PC: variants seen among roughly 807,000 people sequenced by gnomAD.
PC encodes pyruvate carboxylase, mitochondrial.
A neutral mutation model predicts 107.8 loss-of-function variants in PC; 46 were observed. The ratio of observed to expected loss-of-function variants is 0.43; its 90% CI spans 0.34 to 0.55. The LOEUF is 0.55. Ranked by LOEUF, PC falls within the 20% of genes least tolerant of loss-of-function variation. The pLI is 0.04. For missense variants in PC, 1,241 were observed against 1,643.1 expected, an observed-to-expected ratio of 0.76 and a Z score of 4.23; for synonymous variants, 662 against 684.7, an observed-to-expected ratio of 0.97 and a Z score of 0.52.
intron 3 of PC, among the ~76,000 whole-genome samples, chr11:66,873,432 ATT>A (rs1491426481): frequency 5.9e-5 from 5 of 84,466 alleles, no homozygotes; most frequent in Non-Finnish European, 8.4e-5. Flanking sequence ...TATTATATAT[ATT>A]ATATATTATA....
At chr11:66,931,216 T>C (rs1478980987) in intron 3 of PC, among the ~76,000 whole-genome samples, 3 of 151,622 alleles carry the variant, frequency 2.0e-5, no homozygotes, top group Non-Finnish European at 4.4e-5. Flanking sequence ...TCGTCTCTAC[T>C]AAAAATACAA....
chr11:66,865,030 G>T (rs1406642242), intron 11 of PC, among the ~76,000 whole-genome samples: 3 of 152,248 alleles, frequency 2.0e-5, no homozygotes, highest in African/African-American at 7.2e-5. Flanking sequence ...CTGTGATGAG[G>T]CAGGCTCTGA....
rs567564422 is a variant in PC at position 66,883,382 on chromosome 11, G to C, written c.1-11223C>G. ...CAGCTTCCTGCCGACCCTGCAGCAC[G>C]GGGTGTGGGCAGGGCTCACATGGGA... is the stretch of plus-strand genomic sequence containing the variant. On this transcript the variant is annotated intron_variant, in intron 3 of 22. Transcript: ENST00000393960. Among the ~76,000 whole-genome samples the C allele has an allele frequency of 7.9e-5, 12 of 152,300 alleles. No homozygotes were observed. The South Asian group carries it at 2.3e-3, about 29-fold the overall frequency.
chr11:66,864,475 G>A (rs1240485803), intron 11 of PC, among the ~76,000 whole-genome samples: 1 of 152,268 alleles, frequency 6.6e-6, no homozygotes, highest in East Asian at 1.9e-4. Context: ...GCTGACCGGG[G>A]GTTTGTTTTT....
chr11:66,910,635 A>C (rs932014064), intron 3 of PC, among the ~76,000 whole-genome samples: 1 of 152,188 alleles, frequency 6.6e-6, no homozygotes, highest in Non-Finnish European at 1.5e-5. Context: ...ATCCACCCCC[A>C]GAGTTAATTG....
At chr11:66,895,018 C>T (rs1318292298) in intron 3 of PC, among the ~76,000 whole-genome samples, 3 of 136,230 alleles carry the variant, frequency 2.2e-5, no homozygotes, top group African/African-American at 5.9e-5. Flanking sequence ...GTTAAAACTC[C>T]GTCTCAGGAA....
rs930826260 is a variant in PC at position 66,858,945 on chromosome 11, G to C, written c.1368+4829C>G. 2 of 1,577,762 alleles carry C rather than the reference G, an allele frequency of 1.3e-6. No homozygotes were observed. Among genetic ancestry groups the C allele is most frequent in the Non-Finnish European group, 1.7e-6 (2 of 1,158,652 alleles). On this transcript the variant is annotated intron_variant, in intron 12 of 22. Transcript: ENST00000393960. This position sits in a 1 kb window ranked among gnomAD's most constrained non-coding sequence, Gnocchi z 5.9. ...CGCTCGCACTGCTGCCGAGGGTGAG[G>C]GGACGCTGGAGTCTGAGCCAGCCGT...
intron 3 of PC, among the ~76,000 whole-genome samples, chr11:66,902,702 C>G (rs1948004785): frequency 6.6e-6 from 1 of 152,188 alleles, no homozygotes; most frequent in African/African-American, 2.4e-5. Context: ...GGCCTGTGAT[C>G]ACACCCTCCT....
chr11:66,923,665 G>A (rs1436327164), intron 3 of PC, among the ~76,000 whole-genome samples: 1 of 151,756 alleles, frequency 6.6e-6, no homozygotes, highest in African/African-American at 2.4e-5. Context: ...ACATGTGCAG[G>A]TGCACCACCA....
intron 3 of PC, among the ~76,000 whole-genome samples, chr11:66,893,426 G>C (rs57410747): frequency 0.038 from 5,842 of 152,098 alleles, 199 homozygotes; most frequent in African/African-American, 0.083. Flanking sequence ...AATAAAGAAG[G>C]CTCTTTTCTT....
At chr11:66,948,206 TAAAAAA>T (rs905189971) in intron 3 of PC, among the ~76,000 whole-genome samples, 4 of 137,202 alleles carry the variant, frequency 2.9e-5, no homozygotes, top group Admixed American at 7.4e-5. Context: ...GACTCTGTCT[TAAAAAA>T]AAAAAAAAGA....
At chr11:66,936,106 G>A (rs1322259568) in intron 3 of PC, among the ~76,000 whole-genome samples, 1 of 151,350 alleles carries the variant, frequency 6.6e-6, no homozygotes, top group Non-Finnish European at 1.5e-5. Context: ...AAATCAGCTG[G>A]GTGTGGTGGC....
intron 3 of PC, among the ~76,000 whole-genome samples, chr11:66,931,762 A>C (rs1056697817): frequency 8.5e-5 from 13 of 152,140 alleles, no homozygotes; most frequent in African/African-American, 3.1e-4. Context: ...TCACGCCTGT[A>C]ATCCCAGCAC....
intron 3 of PC, among the ~76,000 whole-genome samples, chr11:66,910,949 T>C (rs576540256): frequency 1.1e-4 from 16 of 152,232 alleles, no homozygotes; most frequent in Non-Finnish European, 2.2e-4. Flanking sequence ...AAGTCGCTCT[T>C]CAACTTGGGA....
At chr11:66,935,631 T>C (rs1948979194) in intron 3 of PC, among the ~76,000 whole-genome samples, 1 of 152,292 alleles carries the variant, frequency 6.6e-6, no homozygotes, top group Non-Finnish European at 1.5e-5. Flanking sequence ...AACGGCAGCA[T>C]ATTCTGAGAA....
In PC at chr11:66,858,813, G is replaced by A; in HGVS notation, c.1368+4961C>T. 1 of 1,549,920 alleles carries A rather than the reference G, an allele frequency of 6.5e-7. No homozygotes were observed. The highest frequency in any genetic ancestry group is 8.7e-7 in the Non-Finnish European group (1 of 1,147,964). On this transcript the variant is annotated intron_variant, in intron 12 of 22. Transcript: ENST00000393960. This position sits in a 1 kb window ranked among gnomAD's most constrained non-coding sequence, Gnocchi z 5.9. The stretch of plus-strand genomic sequence containing the variant: ...CTACACCTGCATCGCCACCAACCCT[G>A]CTGGTGAGGCCACAGCCCGAGTAGA...
chr11:66,930,174 T>C (rs1262784414), intron 3 of PC, among the ~76,000 whole-genome samples: 2 of 139,506 alleles, frequency 1.4e-5, no homozygotes, highest in Admixed American at 1.4e-4. Context: ...CCTTGGCAGG[T>C]AGAAAAACAA....
intron 3 of PC, among the ~76,000 whole-genome samples, chr11:66,874,334 C>T (rs1427794978): frequency 6.6e-6 from 1 of 152,130 alleles, no homozygotes; most frequent in Non-Finnish European, 1.5e-5. Flanking sequence ...GTGGTCTACC[C>T]GCCTCGGCCT....
chr11:66,867,184 G>A lies in PC; in HGVS notation c.1023-835C>T, dbSNP rs1296882715. Among the ~76,000 whole-genome samples the A allele has an allele frequency of 2.6e-5, 4 of 152,312 alleles. 1 individual carries two copies. Reference sequence around the variant, plus strand: ...GTGAATCCCACGAGGCCAGGAGTTCGAGACTAGCCTGGCCAACATGGTGAA... The same window carrying A: ...GTGAATCCCACGAGGCCAGGAGTTCAAGACTAGCCTGGCCAACATGGTGAA... On this transcript the variant is annotated intron_variant, in intron 10 of 22. Coordinates refer to ENST00000393960, the MANE Select transcript of PC (RefSeq NM_001040716.2).
Sources: allele counts gnomAD v4.1 joint callset (sites outside exome capture counted in the v4.1 genomes callset), GRCh38; gene constraint gnomAD v4.1.1; non-coding constraint Gnocchi (gnomAD v3.1); transcripts MANE v1.5; gene names NCBI Gene and HGNC (gene_info 2026-07-23, HGNC 2026-07-21).